The following GTSF1 variants were observed in gnomAD, a reference collection of about 807,000 sequenced individuals.
GTSF1 encodes gametocyte-specific factor 1.
In GTSF1, 11 loss-of-function variants were observed where a neutral mutation model predicts 28.9. The observed-to-expected ratio is 0.38, with a 90% CI of 0.24 to 0.63. The LOEUF is 0.63. Among genes scored for constraint, GTSF1 ranks in the 30% least tolerant of loss-of-function variants. The pLI, the probability that GTSF1 is intolerant of heterozygous loss-of-function variation, is 0.56. For missense variants in GTSF1, 146 were observed against 201.0 expected, an observed-to-expected ratio of 0.73 and a Z score of 1.66; for synonymous variants, 69 against 65.6, an observed-to-expected ratio of 1.05 and a Z score of -0.25.
chr12:54,460,620 C>T (rs1167335460), intron 6 of GTSF1, 149 bp from the exon 7 acceptor site: 15 of 617,876 alleles, frequency 2.4e-5, no homozygotes, highest in Admixed American at 1.9e-4. Context: ...CAAAACGTTC[C>T]GGCAATTAGA....
Position 54,465,151 on chromosome 12 carries a change from A to T in GTSF1, c.33T>A (p.Pro11=). 6.2e-7 allele frequency: 1 copy of T among 1,613,162 alleles called. No individual in the cohort carries two copies. The highest frequency in any genetic ancestry group is 8.5e-7 in the Non-Finnish European group (1 of 1,179,232). The part of the protein sequence containing the change: MEETYTDSLD[P]EKLLQCPYDK... ...CATAGGGGCATTGCAATAGCTTCTCAGGGTCCAGGGAGTCGGCTGAAAGAC... is the reference window on the plus strand; with the variant it reads ...CATAGGGGCATTGCAATAGCTTCTCTGGGTCCAGGGAGTCGGCTGAAAGAC... The change falls in exon 3 of 9, where the codon CCT becomes CCA. Residue 11 remains proline, a synonymous_variant. Coordinates refer to ENST00000305879, the MANE Select transcript of GTSF1 (RefSeq NM_144594.3).
chr12:54,459,119 T>C lies in GTSF1; in HGVS notation c.494A>G (p.Asn165Ser). 1 of 1,605,586 alleles carries C rather than the reference T, an allele frequency of 6.2e-7. No homozygotes were observed. Among genetic ancestry groups the C allele is most frequent in the South Asian group, 1.1e-5 (1 of 90,100 alleles). Reference sequence around the variant, plus strand: ...GAGATAGGTATTCAGTTACTGTGCATTTCCATCTACAAGTAGAAATATTTC... The same window carrying C: ...GAGATAGGTATTCAGTTACTGTGCACTTCCATCTACAAGTAGAAATATTTC... Reference protein sequence around the residue: ...PYVLPWKNNGNAQ With the variant: ...PYVLPWKNNGSAQ Residue 165 changes from asparagine to serine, a missense_variant, in exon 8 of 9, where the codon AAT becomes AGT. Physicochemically the swap from Asn to Ser is conservative, Grantham distance 46. Coordinates refer to ENST00000305879, the MANE Select transcript of GTSF1 (RefSeq NM_144594.3).
chr12:54,471,556 T>C (rs1956594486), intron 1 of GTSF1, among the ~76,000 whole-genome samples: 2 of 152,212 alleles, frequency 1.3e-5, no homozygotes, highest in South Asian at 4.2e-4. Context: ...TTAAGCTGTA[T>C]TTGGGTGATA....
chr12:54,458,131 C>G (rs1956363526), intron 8 of GTSF1, among the ~76,000 whole-genome samples: 1 of 152,172 alleles, frequency 6.6e-6, no homozygotes, highest in Non-Finnish European at 1.5e-5. Context: ...CCATTCTCAG[C>G]CTTTATAACA....
At chr12:54,457,314 G>T (rs1950307949) in intron 8 of GTSF1, among the ~76,000 whole-genome samples, 2 of 152,198 alleles carry the variant, frequency 1.3e-5, no homozygotes, top group African/African-American at 4.8e-5. Flanking sequence ...ATTTCTCCTA[G>T]ATTTTCATCT....
chr12:54,456,323 T>C (rs2120710458), intron 8 of GTSF1, among the ~76,000 whole-genome samples, 170 bp from the exon 9 acceptor site: 1 of 152,342 alleles, frequency 6.6e-6, no homozygotes, highest in Non-Finnish European at 1.5e-5. Context: ...TCTTTAACTC[T>C]TTACTACCAT....
At chr12:54,459,263 A>T in intron 7 of GTSF1, 138 bp from the exon 8 acceptor site, 2 of 1,422,334 alleles carry the variant, frequency 1.4e-6, no homozygotes, top group Non-Finnish European at 1.9e-6. Flanking sequence ...TAATATTAGT[A>T]ATCAGATTTC....
intron 1 of GTSF1, among the ~76,000 whole-genome samples, chr12:54,473,343 T>TA (rs907021681): frequency 2.6e-5 from 4 of 151,652 alleles, no homozygotes; most frequent in East Asian, 3.9e-4. Flanking sequence ...GTGGTTAACT[T>TA]AAAAAAAACA....
At chr12:54,472,981 G>A (rs1956609188) in intron 1 of GTSF1, among the ~76,000 whole-genome samples, 1 of 152,196 alleles carries the variant, frequency 6.6e-6, no homozygotes, top group Non-Finnish European at 1.5e-5. Flanking sequence ...AGATTCAGCA[G>A]CTTGTAGGAA....
chr12:54,463,210 A>G lies in GTSF1; in HGVS notation c.205T>C (p.Ser69Pro), dbSNP rs1956452332. 2 of 1,613,846 alleles carry G rather than the reference A, an allele frequency of 1.2e-6. No homozygotes were observed. The highest frequency in any genetic ancestry group is 2.7e-5 in the African/African-American group (2 of 74,926). ...VPRAEISHHI[S>P]SCDDRSCIEQ... ...ATACAACTTCTGTCATCACAGCTTG[A>G]GATATGATGACTAATTTCAGCTCGA... is the stretch of plus-strand genomic sequence containing the variant. The change falls in exon 4 of 9, where the codon TCA becomes CCA. Residue 69 changes from serine to proline, a missense_variant. Coordinates refer to ENST00000305879, the MANE Select transcript of GTSF1 (RefSeq NM_144594.3).
At chr12:54,469,785 C>G (rs1956571873) in intron 2 of GTSF1, among the ~76,000 whole-genome samples, 2 of 151,232 alleles carry the variant, frequency 1.3e-5, no homozygotes, top group South Asian at 4.2e-4. Flanking sequence ...AACTCCTAGG[C>G]TCAAGTGATC....
At chr12:54,473,268 AC>A (rs1956612051) in intron 1 of GTSF1, among the ~76,000 whole-genome samples, 1 of 152,106 alleles carries the variant, frequency 6.6e-6, no homozygotes, top group African/African-American at 2.4e-5. Flanking sequence ...CCTTTAAACA[AC>A]AACAACAACA....
chr12:54,469,515 C>T (rs1442292761), intron 2 of GTSF1, among the ~76,000 whole-genome samples: 1 of 151,282 alleles, frequency 6.6e-6, no homozygotes, highest in Non-Finnish European at 1.5e-5. Context: ...TGGCGAAACC[C>T]CATCTCTACT....
chr12:54,456,612 T>C (rs1565655831), intron 8 of GTSF1, among the ~76,000 whole-genome samples: 1 of 152,220 alleles, frequency 6.6e-6, no homozygotes, highest in Non-Finnish European at 1.5e-5. Context: ...AGTGGAGTTG[T>C]TGATAAAAAC....
chr12:54,457,436 G>GT (rs2120718235), intron 8 of GTSF1, among the ~76,000 whole-genome samples: 1 of 152,320 alleles, frequency 6.6e-6, no homozygotes, highest in Admixed American at 6.5e-5. Flanking sequence ...TCTGTTCAAT[G>GT]TATGCTTCTC....
At chr12:54,468,106 ATTC>A (rs1956546798) in intron 2 of GTSF1, among the ~76,000 whole-genome samples, 3 of 151,770 alleles carry the variant, frequency 2.0e-5, no homozygotes, top group African/African-American at 4.8e-5. Context: ...AATCTAGTTT[ATTC>A]TTCTTTTTGC....
In GTSF1 at chr12:54,470,603, A is replaced by T. The variant is rs534788295; in HGVS notation, c.16+630T>A. Among the ~76,000 whole-genome samples, 3 of 152,352 alleles carry T rather than the reference A, an allele frequency of 2.0e-5. No individual in the cohort carries two copies. In the South Asian group the frequency reaches 6.2e-4, roughly 32 times the overall value. On this transcript the variant is annotated intron_variant, in intron 2 of 8. Coordinates refer to ENST00000305879, the MANE Select transcript of GTSF1 (RefSeq NM_144594.3). ...AAGTTTTATCCACGGGCATAAACTCAGATATTCCTCAAATTTAGTCAGAGC... is the reference window on the plus strand; with the variant it reads ...AAGTTTTATCCACGGGCATAAACTCTGATATTCCTCAAATTTAGTCAGAGC...
intron 3 of GTSF1, 127 bp from the exon 4 acceptor site, chr12:54,463,424 C>T (rs1592319212): frequency 1.3e-6 from 1 of 744,644 alleles, no homozygotes; most frequent in East Asian, 2.6e-5. Flanking sequence ...TTAACTATAA[C>T]AAGTAAACTC....
At chr12:54,463,589 C>CT (rs1270091280) in intron 3 of GTSF1, among the ~76,000 whole-genome samples, 2 of 152,214 alleles carry the variant, frequency 1.3e-5, no homozygotes, top group Non-Finnish European at 2.9e-5. Flanking sequence ...GGAACGACAT[C>CT]TTTCCCCCAT....
Sources: allele counts gnomAD v4.1 joint callset (sites outside exome capture counted in the v4.1 genomes callset), GRCh38; gene constraint gnomAD v4.1.1; transcripts MANE v1.5; gene names NCBI Gene and HGNC (gene_info 2026-07-23, HGNC 2026-07-21).